Variants in ARHGEF33 observed in about 807,000 individuals in gnomAD.
ARHGEF33 encodes Rho guanine nucleotide exchange factor 33.
In ARHGEF33, 72 loss-of-function variants were observed where a neutral mutation model predicts 101.9. That is an observed-to-expected ratio of 0.71 (90% confidence interval 0.58 to 0.86). The LOEUF is 0.86. Ranked by LOEUF, ARHGEF33 falls within the 40% of genes least tolerant of loss-of-function variation. ARHGEF33 has a pLI of 0.00. For synonymous variants in ARHGEF33, 499 were observed against 442.5 expected, an observed-to-expected ratio of 1.13 and a Z score of -1.60; for missense variants, 1,169 against 1,111.3, an observed-to-expected ratio of 1.05 and a Z score of -0.74.
chr2:38,956,409 C>G (rs960323638), intron 13 of ARHGEF33, among the ~76,000 whole-genome samples: 1 of 152,180 alleles, frequency 6.6e-6, no homozygotes, highest in African/African-American at 2.4e-5. Context: ...ATAGGAAGTA[C>G]TCGATACATT....
intron 2 of ARHGEF33, among the ~76,000 whole-genome samples, chr2:38,914,591 C>T (rs188616039): frequency 1.0e-4 from 15 of 150,684 alleles, no homozygotes; most frequent in Admixed American, 8.0e-4. Flanking sequence ...AGTTTGAAAC[C>T]GGGAGGCGGA....
At chr2:38,899,495 A>C (rs1666196703) in intron 2 of ARHGEF33, among the ~76,000 whole-genome samples, 2 of 152,118 alleles carry the variant, frequency 1.3e-5, no homozygotes, top group East Asian at 3.9e-4. Context: ...TGTGGAATCT[A>C]AATAGTCAAA....
At chr2:38,942,790 G>T (rs1228255569) in intron 9 of ARHGEF33, among the ~76,000 whole-genome samples, 1 of 152,134 alleles carries the variant, frequency 6.6e-6, no homozygotes, top group African/African-American at 2.4e-5. Context: ...TTATGCAAAT[G>T]TATGAGCATC....
intron 17 of ARHGEF33, among the ~76,000 whole-genome samples, chr2:38,972,140 C>T (rs1369206894): frequency 6.6e-6 from 1 of 152,132 alleles, no homozygotes; most frequent in Non-Finnish European, 1.5e-5. Flanking sequence ...TGACCTCCTG[C>T]CCCTAAAACA....
chr2:38,957,150 G>C (rs1667787886), intron 14 of ARHGEF33, 103 bp downstream of exon 14: 3 of 1,367,618 alleles, frequency 2.2e-6, no homozygotes, highest in Non-Finnish European at 3.0e-6. Flanking sequence ...TGCAGTGGTG[G>C]GAGGTAGAAG....
rs1175241350 is a variant in ARHGEF33, at chr2:38,974,579, G to C, written c.*736G>C. 1 of 152,190 alleles carries C rather than the reference G, an allele frequency of 6.6e-6. No individual in the cohort carries two copies. The highest frequency in any genetic ancestry group is 2.4e-5 in the African/African-American group (1 of 41,442). The allele number at this position is 152,190 out of a possible 1,614,324, so 9.4% of individuals were successfully genotyped here. On this transcript the variant is annotated 3_prime_UTR_variant, in exon 18 of 18. Coordinates refer to ENST00000409978, the MANE Select transcript of ARHGEF33 (RefSeq NM_001145451.5). ...CCCTTGTGTGGGTTGAGCTGAGGAT[G>C]GAAACAGTCCAGTCTGTGTTTTATT...
At chr2:38,973,690 T>C in intron 17 of ARHGEF33, 24 bp from the exon 18 acceptor site, 3 of 1,507,378 alleles carry the variant, frequency 2.0e-6, no homozygotes, top group Non-Finnish European at 2.7e-6. Context: ...CAACCTGTAC[T>C]TTATCTGTGT....
intron 10 of ARHGEF33, among the ~76,000 whole-genome samples, chr2:38,944,525 A>T (rs1229459461): frequency 6.6e-6 from 1 of 152,120 alleles, no homozygotes; most frequent in African/African-American, 2.4e-5. Context: ...CAGCACATGA[A>T]TTTTGGGGGA....
At chr2:38,959,686 G>C in intron 15 of ARHGEF33, 155 bp from the exon 16 acceptor site, 2 of 774,840 alleles carry the variant, frequency 2.6e-6, no homozygotes, top group Admixed American at 3.0e-5. Flanking sequence ...CTGGGAACGG[G>C]GGTTCGTGGG....
intron 2 of ARHGEF33, among the ~76,000 whole-genome samples, chr2:38,901,515 A>G (rs1424329139): frequency 6.6e-6 from 1 of 152,198 alleles, no homozygotes; most frequent in African/African-American, 2.4e-5. Context: ...CTTGGAAGCT[A>G]ACACATCCCT....
chr2:38,891,584 G>A (rs1006141733), intron 1 of ARHGEF33, among the ~76,000 whole-genome samples: 1 of 152,116 alleles, frequency 6.6e-6, no homozygotes, highest in African/African-American at 2.4e-5. Flanking sequence ...TGGGACCACA[G>A]GTTAAGACCC....
intron 12 of ARHGEF33, among the ~76,000 whole-genome samples, chr2:38,953,855 A>G (rs1572773196): frequency 1.3e-5 from 2 of 152,238 alleles, no homozygotes; most frequent in East Asian, 1.9e-4. Context: ...AATGCCTACC[A>G]TGTTAGCTTT....
chr2:38,929,140 C>A, intron 5 of ARHGEF33, 69 bp downstream of exon 5: 1 of 1,277,398 alleles, frequency 7.8e-7, no homozygotes, highest in Non-Finnish European at 1.1e-6. Flanking sequence ...AGAAAACTTG[C>A]CTTTTTCTGG....
chr2:38,897,303 A>G (rs1666143508), intron 2 of ARHGEF33, among the ~76,000 whole-genome samples: 1 of 152,252 alleles, frequency 6.6e-6, no homozygotes, highest in South Asian at 2.1e-4. Context: ...AAAAATATCC[A>G]TACTTTTCAC....
At chr2:38,916,025 C>T (rs2124989062) in intron 2 of ARHGEF33, among the ~76,000 whole-genome samples, 1 of 152,006 alleles carries the variant, frequency 6.6e-6, no homozygotes, top group African/African-American at 2.4e-5. Context: ...TCTGTCTCTA[C>T]AAAAAATAAA....
chr2:38,890,614 C>G (rs1009039273), intron 1 of ARHGEF33, among the ~76,000 whole-genome samples: 1 of 152,050 alleles, frequency 6.6e-6, no homozygotes, highest in African/African-American at 2.4e-5. Flanking sequence ...GTGAGAATAG[C>G]GTTCTATTAT....
chr2:38,918,983 C>T (rs570431059), intron 2 of ARHGEF33, among the ~76,000 whole-genome samples: 43 of 152,078 alleles, frequency 2.8e-4, no homozygotes, highest in African/African-American at 8.9e-4. Context: ...GAGGTCAAAG[C>T]GGCAGTGAGC....
intron 2 of ARHGEF33, among the ~76,000 whole-genome samples, chr2:38,905,043 T>TG (rs965058200): frequency 6.6e-6 from 1 of 152,104 alleles, no homozygotes; most frequent in Non-Finnish European, 1.5e-5. Context: ...GCAGAGCTAG[T>TG]GGAACCTGAA....
intron 16 of ARHGEF33, among the ~76,000 whole-genome samples, chr2:38,964,794 C>A (rs144892103): frequency 6.6e-6 from 1 of 152,164 alleles, no homozygotes; most frequent in East Asian, 1.9e-4. Flanking sequence ...TCCCTTAAAT[C>A]ATTCGTTTTC....
Sources: gnomAD v4.1 joint callset for allele counts (sites outside exome capture counted in the v4.1 genomes callset) on GRCh38, gnomAD v4.1.1 for gene constraint, MANE v1.5 for transcripts, NCBI Gene and HGNC (gene_info 2026-07-23, HGNC 2026-07-21) for gene names.